The following CLPX variants were observed in gnomAD, a reference collection of about 807,000 sequenced individuals.
CLPX encodes the protein ATP-dependent clpX-like chaperone, mitochondrial.
CLPX carries 34 observed loss-of-function variants against 76.4 expected under a neutral mutation model. The observed-to-expected ratio is 0.45, with a 90% CI of 0.34 to 0.59. CLPX has a LOEUF of 0.59. Among genes scored for constraint, CLPX ranks in the 20% least tolerant of loss-of-function variants. The pLI is 0.01. For missense variants in CLPX, 613 were observed against 757.0 expected (o/e 0.81, Z 2.23); for synonymous variants, 248 against 270.9 (o/e 0.92, Z 0.83).
chr15:65,166,528 T>C, intron 4 of CLPX, 103 bp downstream of exon 4: 1 of 1,222,920 alleles, frequency 8.2e-7, no homozygotes. Context: ...CCTATAATAC[T>C]TGTTTATATA....
intron 7 of CLPX, chr15:65,158,315 T>A: frequency 2.7e-6 from 1 of 373,672 alleles, no homozygotes; most frequent in East Asian, 4.8e-5. Flanking sequence ...AGCCACTACA[T>A]CCGATCTATT....
At chr15:65,161,440 T>C (rs1251135912) in intron 6 of CLPX, among the ~76,000 whole-genome samples, 4 of 152,228 alleles carry the variant, frequency 2.6e-5, no homozygotes, top group African/African-American at 7.2e-5. Context: ...TAAAATCCCA[T>C]GTAAAACACA....
Position 65,157,922 on chromosome 15 carries a change from AAC to A in CLPX, c.893-14_893-13del. Reference sequence around the variant, plus strand: ...CAGCAGAGTTTTACCTACAAATAGAAACAGTCACTAAAAGTTTACTGAAAATA... The same window carrying A: ...CAGCAGAGTTTTACCTACAAATAGAAAGTCACTAAAAGTTTACTGAAAATA... On this transcript the variant is annotated splice_polypyrimidine_tract_variant and intron_variant, in intron 7 of 13. Transcript: ENST00000300107. The A allele has an allele frequency of 6.4e-7, 1 of 1,561,284 alleles. No individual in the cohort carries two copies. Among genetic ancestry groups the A allele is most frequent in the Non-Finnish European group, 8.6e-7 (1 of 1,156,984 alleles).
chr15:65,156,590 A>AT (rs1357962963), intron 9 of CLPX: 4 of 421,712 alleles, frequency 9.5e-6, no homozygotes, highest in Admixed American at 4.1e-5. Flanking sequence ...CCTTTGAGGA[A>AT]TAAAAAAAAA....
chr15:65,158,054 G>T, intron 7 of CLPX, 144 bp from the exon 8 acceptor site: 1 of 658,854 alleles, frequency 1.5e-6, no homozygotes, highest in Non-Finnish European at 2.4e-6. Context: ...TTTTTTTAGA[G>T]ACAGGTTCTT....
intron 3 of CLPX, among the ~76,000 whole-genome samples, chr15:65,175,532 C>G (rs1355585430): frequency 6.6e-6 from 1 of 151,996 alleles, no homozygotes; most frequent in African/African-American, 2.4e-5. Flanking sequence ...AACAAAAAAA[C>G]AGGCTGAGTT....
intron 13 of CLPX, among the ~76,000 whole-genome samples, chr15:65,151,956 G>T (rs181816118): frequency 1.3e-5 from 2 of 152,214 alleles, no homozygotes; most frequent in Non-Finnish European, 2.9e-5. Flanking sequence ...TTGAGACTGA[G>T]TCTCACTTTG....
intron 11 of CLPX, among the ~76,000 whole-genome samples, chr15:65,154,025 A>G (rs2087756933): frequency 6.6e-6 from 1 of 152,210 alleles, no homozygotes; most frequent in South Asian, 2.1e-4. Flanking sequence ...GGAGCAGCAA[A>G]GGGGGAGACA....
chr15:65,148,808 T>C lies in CLPX; in HGVS notation c.*2015A>G, dbSNP rs547912620. 2 of 151,492 alleles carry C rather than the reference T, an allele frequency of 1.3e-5. No homozygotes were observed. Among genetic ancestry groups the C allele is most frequent in the South Asian group, 2.1e-4 (1 of 4,816 alleles). 9.4% of individuals were successfully genotyped at this position (151,492 alleles called of 1,614,324 possible). ...CAAATGAGATTAAACTGAATGAATA[T>C]AGAACTTGTACCACCATTATAGAAG... On this transcript the variant is annotated 3_prime_UTR_variant, in exon 14 of 14. Coordinates refer to ENST00000300107, the MANE Select transcript of CLPX (RefSeq NM_006660.5).
At position 65,185,272 on chromosome 15, in the gene CLPX, G is replaced by C. The variant is rs2088244443; in HGVS notation, c.-119C>G. 3.9e-6 allele frequency: 3 copies of C among 777,786 alleles called. No individual in the cohort carries two copies. The highest frequency in any genetic ancestry group is 6.2e-6 in the Non-Finnish European group (3 of 480,440). The allele number at this position is 777,786 out of a possible 1,614,324, so 48.2% of individuals were successfully genotyped here. On this transcript the variant is annotated 5_prime_UTR_variant, in exon 1 of 14. Coordinates refer to ENST00000300107, the MANE Select transcript of CLPX (RefSeq NM_006660.5). The stretch of plus-strand genomic sequence containing the variant: ...AACCCTTTCGCGGGCCCTAGACCCC[G>C]TGGAGAGTTCACCTGCCCGGCAGCC...
chr15:65,156,124 C>T (rs184524135), intron 9 of CLPX, among the ~76,000 whole-genome samples: 6 of 152,238 alleles, frequency 3.9e-5, no homozygotes, highest in Admixed American at 3.9e-4. Flanking sequence ...ATAGTAAAGA[C>T]ATAATTCTGA....
At chr15:65,165,886 G>C (rs75478053) in intron 4 of CLPX, among the ~76,000 whole-genome samples, 143 of 152,272 alleles carry the variant, frequency 9.4e-4, no homozygotes, top group African/African-American at 3.2e-3. Flanking sequence ...TTTGGAAGTA[G>C]AGACAAATGC....
rs571760722 is a variant in CLPX at position 65,151,344 on chromosome 15, C to CAA, written c.1812-433_1812-432dup. ...TGGGCGACAGAGCAAGACTGAGTCT[C>CAA]AAAAAAAAAAAAAAAAAAAAAAGAT... On this transcript the variant is annotated intron_variant, in intron 13 of 13. Transcript: ENST00000300107. 3.0e-3 allele frequency among the ~76,000 whole-genome samples: 180 copies of CAA among 59,262 alleles called. 4 individuals are homozygous for CAA. Among genetic ancestry groups the CAA allele is most frequent in the African/African-American group, 0.011 (164 of 15,106 alleles). 38.9% of individuals were successfully genotyped at this position (59,262 alleles called of 152,430 possible). A position where few individuals can be genotyped will look rare whatever the true frequency, so the allele number is the denominator to read the frequency against.
chr15:65,185,255 C>A lies in CLPX; in HGVS notation c.-102G>T. 1 of 964,744 alleles carries A rather than the reference C, an allele frequency of 1.0e-6. No homozygotes were observed. The allele number at this position is 964,744 out of a possible 1,614,324, so 59.8% of individuals were successfully genotyped here. On this transcript the variant is annotated 5_prime_UTR_variant, in exon 1 of 14. Transcript: ENST00000300107. ...GCGCTGACTCGGTTCCGAACCCTTT[C>A]GCGGGCCCTAGACCCCGTGGAGAGT... is the stretch of plus-strand genomic sequence containing the variant.
chr15:65,159,225 T>C (rs762198314), intron 6 of CLPX, among the ~76,000 whole-genome samples: 1 of 152,260 alleles, frequency 6.6e-6, no homozygotes, highest in Non-Finnish European at 1.5e-5. Context: ...TCTAATTTTA[T>C]TGGACCTGTA....
chr15:65,185,208 G>C lies in CLPX; in HGVS notation c.-55C>G. ...CCCTGAGGACCTCCGGGTCACAGCG[G>C]CGTGAATCCTGCCCGCAAGGCGCGC... On this transcript the variant is annotated 5_prime_UTR_variant, in exon 1 of 14. Transcript: ENST00000300107. 1 of 1,433,958 alleles carries C rather than the reference G, an allele frequency of 7.0e-7. No homozygotes were observed. The highest frequency in any genetic ancestry group is 9.6e-7 in the Non-Finnish European group (1 of 1,045,288). 88.8% of individuals were successfully genotyped at this position (1,433,958 alleles called of 1,614,324 possible).
At position 65,151,408 on chromosome 15, in the gene CLPX, T is replaced by G. The variant is rs187796887; in HGVS notation, c.1812-495A>C. Reference sequence around the variant, plus strand: ...GGGAAACAGACTATACAACCAAGAGTTGCAAATAAACTTCCCAGCATTTTC... The same window carrying G: ...GGGAAACAGACTATACAACCAAGAGGTGCAAATAAACTTCCCAGCATTTTC... On this transcript the variant is annotated intron_variant, in intron 13 of 13. Coordinates refer to ENST00000300107, the MANE Select transcript of CLPX (RefSeq NM_006660.5). 1.4e-4 allele frequency among the ~76,000 whole-genome samples: 19 copies of G among 131,620 alleles called. No homozygotes were observed. The East Asian group carries it at 3.8e-3, about 27-fold the overall frequency. 86.3% of individuals were successfully genotyped at this position (131,620 alleles called of 152,430 possible).
chr15:65,149,709 A>C lies in CLPX; in HGVS notation c.*1114T>G. On this transcript the variant is annotated 3_prime_UTR_variant, in exon 14 of 14. Coordinates refer to ENST00000300107, the MANE Select transcript of CLPX (RefSeq NM_006660.5). ...ACCCTGTCTCTACTAAAAATACAAA[A>C]ATTAGCCAGGTGTGGTGGTGCGTGC... 2 of 300,964 alleles carry C rather than the reference A, an allele frequency of 6.6e-6. No individual in the cohort carries two copies. The highest frequency in any genetic ancestry group is 2.7e-5 in the South Asian group (1 of 37,336). The allele number at this position is 300,964 out of a possible 1,614,324, so 18.6% of individuals were successfully genotyped here.
At chr15:65,176,277 T>C (rs1444783568) in intron 3 of CLPX, among the ~76,000 whole-genome samples, 1 of 152,224 alleles carries the variant, frequency 6.6e-6, no homozygotes, top group Admixed American at 6.5e-5. Flanking sequence ...CAGTGACTAA[T>C]ACAACCTGGC....
Sources: gnomAD v4.1 joint callset for allele counts (sites outside exome capture counted in the v4.1 genomes callset) on GRCh38, gnomAD v4.1.1 for gene constraint, MANE v1.5 for transcripts, NCBI Gene and HGNC (gene_info 2026-07-23, HGNC 2026-07-21) for gene names.